The following KLF12 variants were observed in gnomAD, a reference collection of about 807,000 sequenced individuals.
KLF12 encodes the protein KLF transcription factor 12, also known as Krueppel-like factor 12.
A neutral mutation model predicts 37.8 loss-of-function variants in KLF12; 9 were observed. The ratio of observed to expected loss-of-function variants is 0.24; its 90% CI spans 0.14 to 0.42. KLF12 has a LOEUF of 0.42. Among genes scored for constraint, KLF12 ranks in the 10% least tolerant of loss-of-function variants. KLF12 has a pLI of 1.00. For missense variants in KLF12, 411 were observed against 516.0 expected (o/e 0.80, Z 1.97); for synonymous variants, 208 against 202.1 (o/e 1.03, Z -0.25).
intron 1 of KLF12, among the ~76,000 whole-genome samples, chr13:74,075,432 A>C (rs1329463695): frequency 1.3e-5 from 2 of 152,250 alleles, no homozygotes; most frequent in African/African-American, 2.4e-5. Context: ...CAGGAAACTT[A>C]AATTGGCTAA....
intron 3 of KLF12, among the ~76,000 whole-genome samples, chr13:73,885,788 A>C (rs1302464145): frequency 6.6e-6 from 1 of 152,206 alleles, no homozygotes; most frequent in African/African-American, 2.4e-5. Flanking sequence ...GAATACGTTG[A>C]AGGGAGTGAC....
At chr13:74,182,053 G>A in the KLF12 span, among the ~76,000 whole-genome samples, 5 of 152,146 alleles carry the variant, frequency 3.3e-5, no homozygotes, top group Non-Finnish European at 5.9e-5. Context: ...TTTGGAGTTT[G>A]TTTTAAAATA....
At chr13:73,789,911 T>C (rs995076217) in intron 5 of KLF12, among the ~76,000 whole-genome samples, 48 of 152,014 alleles carry the variant, frequency 3.2e-4, no homozygotes, top group Non-Finnish European at 6.2e-4. Flanking sequence ...CTCCTGACCT[T>C]GTGATCCGCC....
chr13:74,065,435 T>C (rs1464457091), intron 1 of KLF12, among the ~76,000 whole-genome samples: 1 of 139,876 alleles, frequency 7.1e-6, no homozygotes, highest in Non-Finnish European at 1.5e-5. Context: ...GTAATTTATC[T>C]GGATCTTCAT....
chr13:74,164,156 T>G, the KLF12 span, among the ~76,000 whole-genome samples: 6 of 152,136 alleles, frequency 3.9e-5, no homozygotes, highest in African/African-American at 7.2e-5. Context: ...TCTAGTCATG[T>G]TTGTCACTGT....
chr13:74,172,496 T>TG, the KLF12 span, among the ~76,000 whole-genome samples: 1 of 152,234 alleles, frequency 6.6e-6, no homozygotes, highest in Non-Finnish European at 1.5e-5. Context: ...CCCCATCTTT[T>TG]GGCTGTTAAC....
chr13:73,712,326 G>A (rs1171095358), intron 7 of KLF12, among the ~76,000 whole-genome samples: 3 of 103,302 alleles, frequency 2.9e-5, no homozygotes, highest in African/African-American at 4.1e-5. Flanking sequence ...TAACAAGAGC[G>A]AAACTCCATG....
intron 3 of KLF12, among the ~76,000 whole-genome samples, chr13:73,863,436 AACAGTG>A (rs879464872): frequency 0.01 from 1,563 of 152,232 alleles, 23 homozygotes; most frequent in Middle Eastern, 0.024. Context: ...ATTTACTTAC[AACAGTG>A]CTAATATTAG....
chr13:73,802,558 T>C (rs1173948430), intron 5 of KLF12, among the ~76,000 whole-genome samples: 1 of 152,166 alleles, frequency 6.6e-6, no homozygotes, highest in Non-Finnish European at 1.5e-5. Flanking sequence ...TGGGGTACAA[T>C]TGATCCCATC....
chr13:73,774,054 AAAGT>A (rs1190993575), intron 5 of KLF12, among the ~76,000 whole-genome samples: 1 of 152,142 alleles, frequency 6.6e-6, no homozygotes, highest in Non-Finnish European at 1.5e-5. Flanking sequence ...TATTTGATAA[AAAGT>A]AAGAACTATT....
At chr13:73,966,137 A>G (rs1891166116) in intron 2 of KLF12, among the ~76,000 whole-genome samples, 1 of 152,348 alleles carries the variant, frequency 6.6e-6, no homozygotes, top group East Asian at 1.9e-4. Flanking sequence ...TGGTTAAATA[A>G]GTTATCACAG....
chr13:73,866,885 AGG>A (rs35667446), intron 3 of KLF12, among the ~76,000 whole-genome samples: 8 of 138,142 alleles, frequency 5.8e-5, no homozygotes, highest in African/African-American at 1.9e-4. Flanking sequence ...TGGGGCAAAA[AGG>A]GGGGGGGGAA....
chr13:73,957,341 A>G (rs1478051051), intron 2 of KLF12, among the ~76,000 whole-genome samples: 1 of 152,208 alleles, frequency 6.6e-6, no homozygotes, highest in Non-Finnish European at 1.5e-5. Flanking sequence ...TTTCTCCAAC[A>G]AACAAGTGCA....
chr13:73,796,275 T>C (rs1881956680), intron 5 of KLF12, among the ~76,000 whole-genome samples: 5 of 152,200 alleles, frequency 3.3e-5, no homozygotes, highest in Admixed American at 3.3e-4. Flanking sequence ...CCTACTCCGT[T>C]AGCACTGACA....
chr13:73,840,266 C>T (rs1884668797), intron 4 of KLF12, among the ~76,000 whole-genome samples: 1 of 152,154 alleles, frequency 6.6e-6, no homozygotes, highest in Admixed American at 6.5e-5. Flanking sequence ...TCCATGCTGA[C>T]TCTTGCATCC....
chr13:74,114,026 A>G (rs1197527042), intron 1 of KLF12, among the ~76,000 whole-genome samples: 1 of 150,982 alleles, frequency 6.6e-6, no homozygotes, highest in East Asian at 1.9e-4. Flanking sequence ...CAAGAGAAAT[A>G]GAATTAGAAG....
At chr13:74,022,707 G>A (rs998737225) in intron 1 of KLF12, among the ~76,000 whole-genome samples, 1 of 147,710 alleles carries the variant, frequency 6.8e-6, no homozygotes, top group African/African-American at 2.5e-5. Context: ...CACCCCACCT[G>A]CAGCCACCTG....
chr13:73,696,380 C>A (rs1372994565), intron 7 of KLF12, among the ~76,000 whole-genome samples: 1 of 152,122 alleles, frequency 6.6e-6, no homozygotes, highest in Non-Finnish European at 1.5e-5. Flanking sequence ...TCTGAAGAAG[C>A]ATGTAATTTG....
chr13:73,774,109 TGTCCA>T (rs1880436507), intron 5 of KLF12, among the ~76,000 whole-genome samples: 1 of 152,168 alleles, frequency 6.6e-6, no homozygotes, highest in South Asian at 2.1e-4. Context: ...CCAGGCCGTA[TGTCCA>T]ATACAAAGTA....
Sources: gnomAD v4.1 joint callset for allele counts (sites outside exome capture counted in the v4.1 genomes callset) on GRCh38, gnomAD v4.1.1 for gene constraint, MANE v1.5 for transcripts, NCBI Gene and HGNC (gene_info 2026-07-23, HGNC 2026-07-21) for gene names.